Variants in COL5A2 observed in about 807,000 individuals in gnomAD.
COL5A2 encodes collagen type V alpha 2 chain.
COL5A2 carries 23 observed loss-of-function variants against 208.2 expected under a neutral mutation model. The ratio of observed to expected loss-of-function variants is 0.11; its 90% CI spans 0.08 to 0.16. The LOEUF is 0.16. Among genes scored for constraint, COL5A2 ranks in the 10% least tolerant of loss-of-function variants. The probability of loss-of-function intolerance (pLI) is 1.00; values close to 1 mark genes in which losing one functional copy is unlikely to be tolerated. For missense variants in COL5A2, 1,590 were observed against 1,956.4 expected, an observed-to-expected ratio of 0.81 and a Z score of 3.53; for synonymous variants, 625 against 628.5, an observed-to-expected ratio of 0.99 and a Z score of 0.08.
the COL5A2 span, among the ~76,000 whole-genome samples, chr2:189,314,897 T>C: frequency 6.6e-6 from 1 of 152,126 alleles, no homozygotes; most frequent in Non-Finnish European, 1.5e-5. Flanking sequence ...ACTGAATCCC[T>C]GAACAGACTA....
At chr2:189,260,842 C>T in the COL5A2 span, among the ~76,000 whole-genome samples, 5 of 152,054 alleles carry the variant, frequency 3.3e-5, no homozygotes, top group African/African-American at 1.2e-4. Flanking sequence ...AGCATGAGAC[C>T]TAGTTACTGA....
chr2:189,419,364 T>C, the COL5A2 span, among the ~76,000 whole-genome samples: 1 of 152,188 alleles, frequency 6.6e-6, no homozygotes, highest in Non-Finnish European at 1.5e-5. Context: ...AATACAATCA[T>C]TAGTTTTCAA....
At chr2:189,096,832 G>A (rs893872081) in intron 6 of COL5A2, among the ~76,000 whole-genome samples, 5 of 152,050 alleles carry the variant, frequency 3.3e-5, no homozygotes, top group Non-Finnish European at 7.4e-5. Context: ...CTACTCCTTT[G>A]CTATCTCTGC....
At chr2:189,369,445 A>T in the COL5A2 span, among the ~76,000 whole-genome samples, 1 of 152,020 alleles carries the variant, frequency 6.6e-6, no homozygotes, top group Non-Finnish European at 1.5e-5. Flanking sequence ...AATATAGATA[A>T]TTTCATTTTT....
chr2:189,234,079 C>T, the COL5A2 span, among the ~76,000 whole-genome samples: 1 of 151,538 alleles, frequency 6.6e-6, no homozygotes, highest in South Asian at 2.1e-4. Flanking sequence ...ATCGTGTGTT[C>T]TGTTTTTAGT....
the COL5A2 span, among the ~76,000 whole-genome samples, chr2:189,319,330 A>T: frequency 6.6e-6 from 1 of 152,236 alleles, no homozygotes; most frequent in Non-Finnish European, 1.5e-5. Context: ...AGGACACTGG[A>T]TGCAGCGCAC....
At chr2:189,374,397 A>AT in the COL5A2 span, among the ~76,000 whole-genome samples, 1 of 151,908 alleles carries the variant, frequency 6.6e-6, no homozygotes. Context: ...TTTTGAGATC[A>AT]CTATTAACAA....
chr2:189,045,053 A>C, intron 47 of COL5A2, 126 bp downstream of exon 47: 1 of 548,580 alleles, frequency 1.8e-6, no homozygotes. Context: ...TATAATTTTT[A>C]ATTAATATTT....
chr2:189,382,949 G>A, the COL5A2 span, among the ~76,000 whole-genome samples: 1 of 152,102 alleles, frequency 6.6e-6, no homozygotes, highest in Admixed American at 6.6e-5. Flanking sequence ...ATGTTACAAA[G>A]TACATTCACA....
At chr2:189,121,235 G>A (rs1687494075) in intron 1 of COL5A2, among the ~76,000 whole-genome samples, 2 of 151,798 alleles carry the variant, frequency 1.3e-5, no homozygotes, top group South Asian at 2.1e-4. Context: ...TTTTTTTCAA[G>A]TGAGAAAATT....
chr2:189,351,021 G>A, the COL5A2 span, among the ~76,000 whole-genome samples: 1 of 152,170 alleles, frequency 6.6e-6, no homozygotes, highest in Non-Finnish European at 1.5e-5. Context: ...TGGCTCTCCT[G>A]CACTGCCACA....
At chr2:189,361,015 C>T in the COL5A2 span, among the ~76,000 whole-genome samples, 1 of 150,356 alleles carries the variant, frequency 6.7e-6, no homozygotes, top group African/African-American at 2.4e-5. Flanking sequence ...TTGTGACATG[C>T]CGTGTGGTCT....
intron 1 of COL5A2, among the ~76,000 whole-genome samples, chr2:189,135,954 T>TTTA (rs1230248190): frequency 6.6e-6 from 1 of 152,192 alleles, no homozygotes; most frequent in Non-Finnish European, 1.5e-5. Flanking sequence ...TTATTGCAGG[T>TTTA]GTAAACCTTT....
At chr2:189,399,086 T>G in the COL5A2 span, among the ~76,000 whole-genome samples, 1 of 152,190 alleles carries the variant, frequency 6.6e-6, no homozygotes, top group African/African-American at 2.4e-5. Context: ...TTTGGATACA[T>G]CCATATGTTT....
intron 12 of COL5A2, among the ~76,000 whole-genome samples, chr2:189,082,219 T>C: frequency 6.6e-6 from 1 of 152,226 alleles, no homozygotes; most frequent in East Asian, 1.9e-4. Context: ...TCATTCACTA[T>C]TTCTAAATGG....
chr2:189,323,796 T>G, the COL5A2 span, among the ~76,000 whole-genome samples: 6 of 152,202 alleles, frequency 3.9e-5, no homozygotes, highest in African/African-American at 1.4e-4. Flanking sequence ...ACCAATGCCT[T>G]TCTTCACAGA....
chr2:189,228,505 G>A (rs1427124169), upstream of COL5A2, among the ~76,000 whole-genome samples: 1 of 151,804 alleles, frequency 6.6e-6, no homozygotes, highest in Non-Finnish European at 1.5e-5. Flanking sequence ...AGAATTATGA[G>A]AGACTACCAT....
chr2:189,390,901 A>C, the COL5A2 span, among the ~76,000 whole-genome samples: 2 of 152,200 alleles, frequency 1.3e-5, no homozygotes, highest in Non-Finnish European at 2.9e-5. Flanking sequence ...GGAATTTGCT[A>C]AACTTGAATT....
chr2:189,243,401 T>C, the COL5A2 span, among the ~76,000 whole-genome samples: 3 of 152,188 alleles, frequency 2.0e-5, no homozygotes, highest in Non-Finnish European at 4.4e-5. Context: ...CAGTTCCACA[T>C]GGCTCAAGAG....
Sources: gnomAD v4.1 joint callset for allele counts (sites outside exome capture counted in the v4.1 genomes callset) on GRCh38, gnomAD v4.1.1 for gene constraint, MANE v1.5 for transcripts, NCBI Gene and HGNC (gene_info 2026-07-23, HGNC 2026-07-21) for gene names.